The following ANO1 variants were observed in gnomAD, a reference collection of about 807,000 sequenced individuals.
The protein encoded by ANO1 is anoctamin 1, also known as anoctamin-1.
A neutral mutation model predicts 124.0 loss-of-function variants in ANO1; 59 were observed. The ratio of observed to expected loss-of-function variants is 0.48; its 90% CI spans 0.39 to 0.59. The LOEUF is 0.59. Ranked by LOEUF, ANO1 falls within the 20% of genes least tolerant of loss-of-function variation. The pLI, the probability that ANO1 is intolerant of heterozygous loss-of-function variation, is 0.00. For missense variants in ANO1, 1,059 were observed against 1,328.0 expected, an observed-to-expected ratio of 0.80 and a Z score of 3.15; for synonymous variants, 529 against 532.0, an observed-to-expected ratio of 0.99 and a Z score of 0.08.
chr11:70,160,399 C>A lies in ANO1; in HGVS notation c.1579-762C>A, dbSNP rs117283708. Among the ~76,000 whole-genome samples, 81 of 152,276 alleles carry A rather than the reference C, an allele frequency of 5.3e-4. 1 individual carries two copies. The East Asian group carries it at 0.014, about 26-fold the overall frequency. ...GAGGGAGCCCAGACAGACAGACAGACAGAGGTGTGTGGAACAATCTTGTCA... is the reference window on the plus strand; with the variant it reads ...GAGGGAGCCCAGACAGACAGACAGAAAGAGGTGTGTGGAACAATCTTGTCA... On this transcript the variant is annotated intron_variant, in intron 16 of 25. Coordinates refer to ENST00000355303, the MANE Select transcript of ANO1 (RefSeq NM_018043.7).
At chr11:70,093,495 G>C (rs1249045466) in intron 2 of ANO1, among the ~76,000 whole-genome samples, 2 of 152,180 alleles carry the variant, frequency 1.3e-5, no homozygotes, top group East Asian at 1.9e-4. Context: ...TGGGGTCATT[G>C]CGGAGAACGC....
intron 11 of ANO1, among the ~76,000 whole-genome samples, chr11:70,146,617 A>C (rs2047388291): frequency 6.6e-6 from 1 of 152,202 alleles, no homozygotes; most frequent in Non-Finnish European, 1.5e-5. Flanking sequence ...TCACAAGGTC[A>C]AGCCCCACAA....
chr11:70,091,810 C>A (rs1046592699), intron 2 of ANO1, among the ~76,000 whole-genome samples: 2 of 152,186 alleles, frequency 1.3e-5, no homozygotes, highest in African/African-American at 2.4e-5. Flanking sequence ...AGTGAGCAAC[C>A]CCTATGCCCC....
intron 1 of ANO1, among the ~76,000 whole-genome samples, chr11:70,005,044 C>T (rs1856460401): frequency 1.4e-5 from 2 of 147,914 alleles, no homozygotes; most frequent in Non-Finnish European, 1.5e-5. Flanking sequence ...ACCTGGGAGG[C>T]GCAGGCTGCA....
Position 70,026,074 on chromosome 11 carries a change from G to A in ANO1, c.58+39908G>A, listed in dbSNP as rs1856899859. Reference sequence around the variant, plus strand: ...GTGGTGGTGATGATGATGTGGTGGTGGTGATGATGATGATGATGATGACGG... The same window carrying A: ...GTGGTGGTGATGATGATGTGGTGGTAGTGATGATGATGATGATGATGACGG... On this transcript the variant is annotated intron_variant, in intron 1 of 27. Transcript: ENST00000531349. 2.1e-5 allele frequency among the ~76,000 whole-genome samples: 3 copies of A among 141,536 alleles called. No individual in the cohort carries two copies. The South Asian group carries it at 7.4e-4, about 35-fold the overall frequency. The allele number at this position is 141,536 out of a possible 152,430, so 92.9% of individuals were successfully genotyped here. A position where few individuals can be genotyped will look rare whatever the true frequency, so the allele number is the denominator to read the frequency against.
intron 22 of ANO1, among the ~76,000 whole-genome samples, chr11:70,171,992 G>A (rs7944085): frequency 0.12 from 17,523 of 151,642 alleles, 1,102 homozygotes; most frequent in Middle Eastern, 0.16. Context: ...TGGTGGCACA[G>A]ACCTGTGGTC....
At chr11:70,176,490 A>G (rs1275199383) in intron 22 of ANO1, among the ~76,000 whole-genome samples, 1 of 152,194 alleles carries the variant, frequency 6.6e-6, no homozygotes, top group East Asian at 1.9e-4. Context: ...GTTATTATCA[A>G]TAGAAAGGAA....
chr11:70,180,961 C>G (rs61885519), intron 23 of ANO1, among the ~76,000 whole-genome samples: 5,040 of 152,172 alleles, frequency 0.033, 131 homozygotes, highest in African/African-American at 0.063. Flanking sequence ...CCTCTCCTAT[C>G]CCCAGGCCTG....
intron 1 of ANO1, among the ~76,000 whole-genome samples, chr11:70,018,010 T>C (rs2134989056): frequency 6.6e-6 from 1 of 152,134 alleles, no homozygotes; most frequent in South Asian, 2.1e-4. Flanking sequence ...TCAGAACCAG[T>C]TACATAGTTT....
At chr11:70,129,057 C>T (rs920458736) in intron 10 of ANO1, among the ~76,000 whole-genome samples, 2 of 152,306 alleles carry the variant, frequency 1.3e-5, no homozygotes, top group East Asian at 1.9e-4. Flanking sequence ...GAGGGGCTCG[C>T]GTTGTGCCCA....
At chr11:70,006,447 C>T (rs1223618228) in intron 1 of ANO1, among the ~76,000 whole-genome samples, 1 of 152,070 alleles carries the variant, frequency 6.6e-6, no homozygotes, top group Non-Finnish European at 1.5e-5. Context: ...TGCTTGCCCA[C>T]CCACCTCCCC....
At position 70,002,450 on chromosome 11, in the gene ANO1, C is replaced by T. The variant is rs1415672910; in HGVS notation, c.58+16284C>T. On this transcript the variant is annotated intron_variant, in intron 1 of 27. Transcript: ENST00000531349. Reference sequence around the variant, plus strand: ...TTGCACTCCAGCCTGGGCAACAAAGCGAGACTCCACCAAAAAAAAAAAAAA... The same window carrying T: ...TTGCACTCCAGCCTGGGCAACAAAGTGAGACTCCACCAAAAAAAAAAAAAA... Among the ~76,000 whole-genome samples, 8 of 86,342 alleles carry T rather than the reference C, an allele frequency of 9.3e-5. No homozygotes were observed. The East Asian group carries it at 2.8e-3, about 30-fold the overall frequency. The allele number at this position is 86,342 out of a possible 152,430, so 56.6% of individuals were successfully genotyped here.
intron 1 of ANO1, among the ~76,000 whole-genome samples, chr11:70,031,952 C>T (rs191484090): frequency 6.6e-6 from 1 of 152,272 alleles, no homozygotes; most frequent in East Asian, 1.9e-4. Context: ...GGCACCCAAC[C>T]CCCCCTCCTC....
At position 70,010,179 on chromosome 11, in the gene ANO1, G is replaced by GTATGTGTGTGTATGTATATATATATA. The variant is rs1188271051; in HGVS notation, c.58+24016_58+24017insGTGTGTGTATGTATATATATATATAT. 1.4e-3 allele frequency among the ~76,000 whole-genome samples: 121 copies of GTATGTGTGTGTATGTATATATATATA among 83,810 alleles called. 17 individuals are homozygous for GTATGTGTGTGTATGTATATATATATA. Among genetic ancestry groups the GTATGTGTGTGTATGTATATATATATA allele is most frequent in the Admixed American group, 0.012 (94 of 7,936 alleles). 55.0% of individuals were successfully genotyped at this position (83,810 alleles called of 152,430 possible). ...TGTGTGTGTGTGCGCGTGTGTGTGT[G>GTATGTGTGTGTATGTATATATATATA]TATATATATATATATATATCACATT... On this transcript the variant is annotated intron_variant, in intron 1 of 27. Transcript: ENST00000531349.
At chr11:70,169,792 C>T (rs117447309) in intron 21 of ANO1, among the ~76,000 whole-genome samples, 3 of 152,274 alleles carry the variant, frequency 2.0e-5, no homozygotes, top group East Asian at 1.9e-4. Flanking sequence ...CAGGGCACCC[C>T]GCACGGCCCA....
In ANO1 at chr11:70,095,275, G is replaced by GGAAAGAAA. The variant is rs1555017280; in HGVS notation, c.441+7194_441+7195insAGAAAGAA. 5.9e-4 allele frequency among the ~76,000 whole-genome samples: 48 copies of GGAAAGAAA among 81,334 alleles called. 2 individuals carry two copies. Among genetic ancestry groups the GGAAAGAAA allele is most frequent in the Non-Finnish European group, 6.7e-4 (27 of 40,244 alleles). 53.4% of individuals were successfully genotyped at this position (81,334 alleles called of 152,430 possible). ...AGGAAGGAAGGAAGGAAGGAAGGAA[G>GGAAAGAAA]GAAGGAAGGAAGGAAGGAAGGAAGG... is the stretch of plus-strand genomic sequence containing the variant. On this transcript the variant is annotated intron_variant, in intron 2 of 25. Transcript: ENST00000355303.
intron 1 of ANO1, among the ~76,000 whole-genome samples, chr11:70,006,701 A>G (rs10899083): frequency 0.75 from 87,538 of 117,304 alleles, 32,544 homozygotes; most frequent in East Asian, 0.98. Context: ...ATGGAGTCTC[A>G]CTCTGTGACC....
intron 1 of ANO1, among the ~76,000 whole-genome samples, chr11:70,084,257 C>T (rs11233433): frequency 0.19 from 29,638 of 152,106 alleles, 3,991 homozygotes; most frequent in African/African-American, 0.38. Flanking sequence ...AGCTTCCGGT[C>T]GGGCTCTTTT....
At chr11:70,167,171 T>G in intron 20 of ANO1, 71 bp from the exon 21 acceptor site, 1 of 1,561,358 alleles carries the variant, frequency 6.4e-7, no homozygotes. Flanking sequence ...GACACATCAC[T>G]AGAGGTGCCA....
Sources: gnomAD v4.1 joint callset for allele counts (sites outside exome capture counted in the v4.1 genomes callset) on GRCh38, gnomAD v4.1.1 for gene constraint, MANE v1.5 for transcripts, NCBI Gene and HGNC (gene_info 2026-07-23, HGNC 2026-07-21) for gene names.